Variants in SLC35F2 observed in about 807,000 individuals in gnomAD.
SLC35F2 encodes queuine/queuosine transporter SLC35F2.
Under a neutral mutation model 38.1 loss-of-function variants are expected in SLC35F2, and 25 were observed. The observed-to-expected ratio is 0.66, with a 90% CI of 0.48 to 0.92. SLC35F2 has a LOEUF of 0.92. Ranked by LOEUF, SLC35F2 falls within the 40% of genes least tolerant of loss-of-function variation. SLC35F2 has a pLI of 0.00. For synonymous variants in SLC35F2, 173 were observed against 181.7 expected, an observed-to-expected ratio of 0.95 and a Z score of 0.38; for missense variants, 409 against 452.9, an observed-to-expected ratio of 0.90 and a Z score of 0.88.
Position 107,810,854 on chromosome 11 carries a change from G to A in SLC35F2, c.414+813C>T. Reference sequence around the variant, plus strand: ...TCAATTTTTCCAGTCCCTAAAATTTGGAGTCAAGTAAGAACATCTCTGTAT... The same window carrying A: ...TCAATTTTTCCAGTCCCTAAAATTTAGAGTCAAGTAAGAACATCTCTGTAT... On this transcript the variant is annotated intron_variant, in intron 3 of 7. Coordinates refer to ENST00000525815, the MANE Select transcript of SLC35F2 (RefSeq NM_017515.5). 3.1e-6 allele frequency: 3 copies of A among 980,674 alleles called. No homozygotes were observed. The South Asian group carries it at 1.4e-4, about 46-fold the overall frequency. The allele number at this position is 980,674 out of a possible 1,614,324, so 60.7% of individuals were successfully genotyped here.
At chr11:107,853,916 G>GT (rs745318374) in intron 1 of SLC35F2, among the ~76,000 whole-genome samples, 2 of 151,956 alleles carry the variant, frequency 1.3e-5, no homozygotes, top group African/African-American at 4.8e-5. Context: ...AGGAATACGC[G>GT]TTTTTAAAAT....
At chr11:107,817,087 C>A (rs189117371) in intron 1 of SLC35F2, among the ~76,000 whole-genome samples, 1 of 151,992 alleles carries the variant, frequency 6.6e-6, no homozygotes, top group Admixed American at 6.6e-5. Context: ...ACCAGCCTGG[C>A]CAACATGGTG....
At chr11:107,835,668 G>A (rs480641) in intron 1 of SLC35F2, among the ~76,000 whole-genome samples, 71,141 of 151,808 alleles carry the variant, frequency 0.47, 17,760 homozygotes, top group African/African-American at 0.66. Context: ...GGACTCAAGC[G>A]ATCTGCCTGC....
At chr11:107,806,458 T>C (rs1859391552) in intron 4 of SLC35F2, 1 of 416,798 alleles carries the variant, frequency 2.4e-6, no homozygotes, top group Non-Finnish European at 4.5e-6. Context: ...GGACCTTAAT[T>C]AGATTTTATA....
At chr11:107,793,726 G>A (rs1859170197) in intron 7 of SLC35F2, among the ~76,000 whole-genome samples, 1 of 152,182 alleles carries the variant, frequency 6.6e-6, no homozygotes, top group South Asian at 2.1e-4. Context: ...CCAAAGAGGT[G>A]ACTGAGTGTA....
At chr11:107,856,269 G>T (rs762854469) in intron 1 of SLC35F2, among the ~76,000 whole-genome samples, 2 of 152,134 alleles carry the variant, frequency 1.3e-5, no homozygotes, top group Non-Finnish European at 2.9e-5. Context: ...CAAGAATAGA[G>T]AGCTAATGGT....
At chr11:107,824,710 G>A (rs995927439) in intron 1 of SLC35F2, among the ~76,000 whole-genome samples, 2 of 152,154 alleles carry the variant, frequency 1.3e-5, no homozygotes, top group African/African-American at 4.8e-5. Flanking sequence ...GTTAATTGAT[G>A]TAACCTATAA....
At position 107,803,019 on chromosome 11, in the gene SLC35F2, G is replaced by A. The variant is rs764885011; in HGVS notation, c.921C>T (p.Leu307=). The part of the protein sequence containing the change: ...TADLYSLFVG[L]FLFGYKFSGL... ...TGTTTACCTTATAGCCAAACAGAAA[G>A]AGTCCAACAAAAAGGCTGTAGAGGT... Residue 307 remains leucine, a synonymous_variant, in exon 7 of 8, where the codon CTC becomes CTT. Coordinates refer to ENST00000525815, the MANE Select transcript of SLC35F2 (RefSeq NM_017515.5). The A allele has an allele frequency of 6.2e-7, 1 of 1,611,528 alleles. No individual in the cohort carries two copies. Among genetic ancestry groups the A allele is most frequent in the Non-Finnish European group, 8.5e-7 (1 of 1,179,414 alleles).
At chr11:107,818,989 G>T (rs551944602) in intron 1 of SLC35F2, among the ~76,000 whole-genome samples, 74 of 152,126 alleles carry the variant, frequency 4.9e-4, no homozygotes, top group Non-Finnish European at 8.8e-4. Flanking sequence ...TTAAAAAAGT[G>T]GGGGGGTGGT....
Position 107,830,201 on chromosome 11 carries a change from T to C in SLC35F2, c.111-14236A>G, listed in dbSNP as rs60739519. Among the ~76,000 whole-genome samples the C allele has an allele frequency of 6.9e-3, 1,045 of 152,304 alleles. 10 individuals carry two copies. Among genetic ancestry groups the C allele is most frequent in the African/African-American group, 0.024 (1,002 of 41,586 alleles). On this transcript the variant is annotated intron_variant, in intron 1 of 7. Transcript: ENST00000525815. The stretch of plus-strand genomic sequence containing the variant: ...CCTCTATATTAACATATATCCCAAT[T>C]TGCTTTTTAATAATTTGACAACTAA...
intron 1 of SLC35F2, among the ~76,000 whole-genome samples, chr11:107,827,519 C>T (rs1030448608): frequency 3.3e-5 from 5 of 151,944 alleles, no homozygotes; most frequent in South Asian, 2.1e-4. Context: ...GAGGCCGGGG[C>T]GGGAGGATCA....
Position 107,858,733 on chromosome 11 carries a change from G to T in SLC35F2, c.35C>A (p.Pro12Gln). 1 of 1,285,036 alleles carries T rather than the reference G, an allele frequency of 7.8e-7. No individual in the cohort carries two copies. The highest frequency in any genetic ancestry group is 2.9e-5 in the East Asian group (1 of 34,420). The allele number at this position is 1,285,036 out of a possible 1,614,324, so 79.6% of individuals were successfully genotyped here. The change falls in exon 1 of 8, where the codon CCA (proline) becomes CAA (glutamine). Residue 12 changes from proline (P) to glutamine (Q), a missense_variant. Physicochemically the swap from Pro to Gln is moderately conservative, Grantham distance 76. Transcript: ENST00000525815. The part of the protein sequence containing the change: ...EADSPAGPGA[P>Q]EPLAEGAAAE... Reference sequence around the variant, plus strand: ...CGCCGCTCCCTCCGCGAGGGGCTCTGGGGCGCCGGGGCCCGCTGGCGAGTC... The same window carrying T: ...CGCCGCTCCCTCCGCGAGGGGCTCTTGGGCGCCGGGGCCCGCTGGCGAGTC...
chr11:107,857,776 A>G (rs1860316824), intron 1 of SLC35F2, among the ~76,000 whole-genome samples: 1 of 152,110 alleles, frequency 6.6e-6, no homozygotes, highest in Admixed American at 6.6e-5. Context: ...ATCACCCCTT[A>G]AAGATCATCT....
rs1859148574 is a variant in SLC35F2, at chr11:107,792,434, C to G, written c.*181G>C. On this transcript the variant is annotated 3_prime_UTR_variant, in exon 8 of 8. Transcript: ENST00000525815. ...AAACACACTCTTAGCTTGGTTTCTGCTCTATTTTGGTATTTCTACTTTTGA... is the reference window on the plus strand; with the variant it reads ...AAACACACTCTTAGCTTGGTTTCTGGTCTATTTTGGTATTTCTACTTTTGA... 1.5e-6 allele frequency: 1 copy of G among 653,210 alleles called. No individual in the cohort carries two copies. Among genetic ancestry groups the G allele is most frequent in the Non-Finnish European group, 2.5e-6 (1 of 405,168 alleles). The allele number at this position is 653,210 out of a possible 1,614,324, so 40.5% of individuals were successfully genotyped here.
At chr11:107,810,627 G>A (rs899102050) in intron 3 of SLC35F2, 7 of 985,194 alleles carry the variant, frequency 7.1e-6, no homozygotes, top group Non-Finnish European at 8.4e-6. Flanking sequence ...TATAGTGTCT[G>A]TCTTAATAAA....
intron 1 of SLC35F2, among the ~76,000 whole-genome samples, chr11:107,847,747 T>C (rs142746808): frequency 4.4e-4 from 67 of 152,272 alleles, no homozygotes; most frequent in African/African-American, 1.5e-3. Context: ...ATTTCCTAAG[T>C]TGGTGCTAAC....
chr11:107,839,770 C>T (rs1859987376), intron 1 of SLC35F2, among the ~76,000 whole-genome samples: 1 of 152,112 alleles, frequency 6.6e-6, no homozygotes, highest in Non-Finnish European at 1.5e-5. Context: ...TCTCTTGCCT[C>T]AGCCTCCTAA....
rs112912644 is a variant in SLC35F2 at position 107,807,056 on chromosome 11, T to C, written c.415-180A>G. Among the ~76,000 whole-genome samples the C allele has an allele frequency of 2.7e-3, 404 of 152,072 alleles. 4 individuals carry two copies. Among genetic ancestry groups the C allele is most frequent in the African/African-American group, 9.2e-3 (382 of 41,476 alleles). Reference sequence around the variant, plus strand: ...CACTCATTTAATCCTCACAATTCCATGAGACTGAAATTACAATCCAATTTT... The same window carrying C: ...CACTCATTTAATCCTCACAATTCCACGAGACTGAAATTACAATCCAATTTT... On this transcript the variant is annotated intron_variant, in intron 3 of 7. Transcript: ENST00000525815.
chr11:107,849,056 C>A (rs768759712), intron 1 of SLC35F2, among the ~76,000 whole-genome samples: 2 of 152,168 alleles, frequency 1.3e-5, no homozygotes, highest in Admixed American at 6.5e-5. Context: ...CTCTGCCTCT[C>A]ACCAGCCAAG....
Sources: allele counts gnomAD v4.1 joint callset (sites outside exome capture counted in the v4.1 genomes callset), GRCh38; gene constraint gnomAD v4.1.1; transcripts MANE v1.5; gene names NCBI Gene and HGNC (gene_info 2026-07-23, HGNC 2026-07-21).